The following ST8SIA1 variants were observed in gnomAD, a reference collection of about 807,000 sequenced individuals.
The protein encoded by ST8SIA1 is ST8 alpha-N-acetyl-neuraminide alpha-2,8-sialyltransferase 1.
A neutral mutation model predicts 35.9 loss-of-function variants in ST8SIA1; 16 were observed. That is an observed-to-expected ratio of 0.45 (90% CI 0.30 to 0.68). ST8SIA1 has a LOEUF of 0.68. Among genes scored for constraint, ST8SIA1 ranks in the 30% least tolerant of loss-of-function variants. The probability of loss-of-function intolerance (pLI) is 0.09; values close to 1 mark genes in which losing one functional copy is unlikely to be tolerated. For missense variants in ST8SIA1, 383 were observed against 453.6 expected (o/e 0.84, Z 1.41); for synonymous variants, 170 against 169.6 (o/e 1.00, Z -0.02).
At chr12:22,271,268 T>G (rs1050440357) in intron 2 of ST8SIA1, among the ~76,000 whole-genome samples, 5 of 152,216 alleles carry the variant, frequency 3.3e-5, no homozygotes, top group Non-Finnish European at 7.3e-5. Flanking sequence ...CAGGAAGCAC[T>G]GGCAACAGAA....
chr12:22,266,848 T>TATACACAC (rs1555158440), intron 2 of ST8SIA1, among the ~76,000 whole-genome samples: 2,276 of 145,036 alleles, frequency 0.016, 69 homozygotes, highest in African/African-American at 0.056. Flanking sequence ...CACAAAAGTA[T>TATACACAC]ACACACACAC....
At chr12:22,289,308 C>CATG (rs386375865) in intron 1 of ST8SIA1, among the ~76,000 whole-genome samples, 8 of 151,942 alleles carry the variant, frequency 5.3e-5, no homozygotes, top group Non-Finnish European at 2.9e-5. Context: ...TTATTATCAT[C>CATG]ATGATTCCTC....
At chr12:22,306,471 A>G (rs568331131) in intron 1 of ST8SIA1, among the ~76,000 whole-genome samples, 7 of 152,288 alleles carry the variant, frequency 4.6e-5, no homozygotes, top group Admixed American at 4.6e-4. Context: ...ACCACTTCCT[A>G]GTTTGGCTGG....
chr12:22,266,739 G>A (rs1314256381), intron 2 of ST8SIA1, among the ~76,000 whole-genome samples: 1 of 152,074 alleles, frequency 6.6e-6, no homozygotes. Flanking sequence ...GAAGGCTGCA[G>A]TGAGCTATGA....
In ST8SIA1 at chr12:22,216,832, C is replaced by G. The variant is rs564543705; in HGVS notation, c.585-14794G>C. 6.6e-5 allele frequency among the ~76,000 whole-genome samples: 10 copies of G among 152,048 alleles called. No individual in the cohort carries two copies. The East Asian group carries it at 1.9e-3, about 29-fold the overall frequency. ...GTCACAAAGTGCATTTAATTCTTACCAAAATATGGTATACAAAAAGCAAAA... is the reference window on the plus strand; with the variant it reads ...GTCACAAAGTGCATTTAATTCTTACGAAAATATGGTATACAAAAAGCAAAA... On this transcript the variant is annotated intron_variant, in intron 4 of 4. Coordinates refer to ENST00000396037, the MANE Select transcript of ST8SIA1 (RefSeq NM_003034.4).
chr12:22,224,316 C>CA (rs1865331735), intron 4 of ST8SIA1, among the ~76,000 whole-genome samples: 2 of 144,980 alleles, frequency 1.4e-5, no homozygotes, highest in Non-Finnish European at 3.0e-5. Context: ...TATATTTATA[C>CA]TTTTTTTTTT....
chr12:22,255,728 C>T (rs977528476), intron 2 of ST8SIA1, among the ~76,000 whole-genome samples: 1 of 151,932 alleles, frequency 6.6e-6, no homozygotes, highest in Non-Finnish European at 1.5e-5. Flanking sequence ...TTTTTAAAGC[C>T]ATTAAGCTGG....
At chr12:22,323,889 C>G (rs933768943) in intron 1 of ST8SIA1, among the ~76,000 whole-genome samples, 1 of 152,084 alleles carries the variant, frequency 6.6e-6, no homozygotes, top group African/African-American at 2.4e-5. Context: ...GGAAGGATAG[C>G]TAACGAATGC....
At chr12:22,241,968 C>G (rs11046348) in intron 4 of ST8SIA1, among the ~76,000 whole-genome samples, 82,620 of 151,884 alleles carry the variant, frequency 0.54, 22,964 homozygotes, top group Admixed American at 0.63. Context: ...AAAGAACTCT[C>G]TTTTCCAAAT....
intron 1 of ST8SIA1, among the ~76,000 whole-genome samples, chr12:22,291,572 G>A (rs185245620): frequency 2.0e-4 from 30 of 152,326 alleles, no homozygotes; most frequent in Admixed American, 1.7e-3. Context: ...GATCTTGCAT[G>A]TCCCCTTCAT....
chr12:22,273,057 C>A (rs1244200965), intron 2 of ST8SIA1, among the ~76,000 whole-genome samples: 2 of 152,168 alleles, frequency 1.3e-5, no homozygotes, highest in Admixed American at 6.5e-5. Context: ...TTAAAGGCTT[C>A]AGTCTGGGAC....
intron 1 of ST8SIA1, chr12:22,325,564 G>T (rs1343247697): frequency 5.8e-6 from 4 of 686,868 alleles, no homozygotes; most frequent in Non-Finnish European, 7.9e-6. Context: ...ATGTTACTTG[G>T]TTTCTTACTG....
chr12:22,279,580 T>C (rs1010019783), intron 2 of ST8SIA1, among the ~76,000 whole-genome samples: 2 of 152,226 alleles, frequency 1.3e-5, no homozygotes, highest in Admixed American at 6.5e-5. Flanking sequence ...AAGTCAATTG[T>C]TTTAAACGGA....
chr12:22,237,599 T>C (rs548870710), intron 4 of ST8SIA1, among the ~76,000 whole-genome samples: 44 of 151,808 alleles, frequency 2.9e-4, no homozygotes, highest in Middle Eastern at 3.4e-3. Flanking sequence ...ACCATTTATG[T>C]ATATTAATCC....
intron 1 of ST8SIA1, among the ~76,000 whole-genome samples, chr12:22,309,185 C>T (rs762961372): frequency 9.2e-5 from 14 of 152,128 alleles, no homozygotes; most frequent in African/African-American, 2.9e-4. Context: ...TTGGCCATGA[C>T]GAGGGATAGG....
chr12:22,271,477 G>A (rs915009287), intron 2 of ST8SIA1, among the ~76,000 whole-genome samples: 2 of 152,136 alleles, frequency 1.3e-5, no homozygotes, highest in Non-Finnish European at 2.9e-5. Flanking sequence ...CAGCATCAGA[G>A]GATTCTGCCA....
intron 1 of ST8SIA1, among the ~76,000 whole-genome samples, chr12:22,304,845 G>T (rs763873437): frequency 2.2e-4 from 33 of 152,160 alleles, no homozygotes; most frequent in Non-Finnish European, 4.4e-4. Context: ...AAATAAAACT[G>T]GTCTCCTCTT....
At chr12:22,209,676 T>C (rs1390440287) in intron 4 of ST8SIA1, among the ~76,000 whole-genome samples, 3 of 152,224 alleles carry the variant, frequency 2.0e-5, no homozygotes, top group Non-Finnish European at 4.4e-5. Context: ...TTTTAGGTCT[T>C]GGCTCAAATG....
rs1230980793 is a variant in ST8SIA1 at position 22,195,276 on chromosome 12, A to G, written c.*6276T>C. On this transcript the variant is annotated 3_prime_UTR_variant, in exon 5 of 5. Transcript: ENST00000396037. The stretch of plus-strand genomic sequence containing the variant: ...GTTTCACTGTGATCAAACTCCCAGG[A>G]GAGCACCTCTTGGGAAGGGACAGCA... 6.6e-6 allele frequency: 1 copy of G among 151,558 alleles called. No individual in the cohort carries two copies. The highest frequency in any genetic ancestry group is 2.4e-5 in the African/African-American group (1 of 41,296). The allele number at this position is 151,558 out of a possible 1,614,324, so 9.4% of individuals were successfully genotyped here.
Sources: gnomAD v4.1 joint callset for allele counts (sites outside exome capture counted in the v4.1 genomes callset) on GRCh38, gnomAD v4.1.1 for gene constraint, MANE v1.5 for transcripts, NCBI Gene and HGNC (gene_info 2026-07-23, HGNC 2026-07-21) for gene names.